Variants in OGN observed in about 807,000 individuals in gnomAD.
OGN encodes mimecan.
OGN carries 19 observed loss-of-function variants against 30.8 expected under a neutral mutation model. The ratio of observed to expected loss-of-function variants is 0.62; its 90% CI spans 0.43 to 0.90. The LOEUF (loss-of-function observed/expected upper bound fraction) is 0.90, where lower values mean the gene tolerates loss of function less well. OGN is among the 40% of genes least tolerant of loss of function. The pLI, the probability that OGN is intolerant of heterozygous loss-of-function variation, is 0.00. For missense variants in OGN, 283 were observed against 349.7 expected (o/e 0.81, Z 1.52); for synonymous variants, 126 against 128.3 (o/e 0.98, Z 0.12).
intron 3 of OGN, among the ~76,000 whole-genome samples, chr9:92,394,351 T>C (rs1229245699): frequency 6.6e-6 from 1 of 151,968 alleles, no homozygotes; most frequent in African/African-American, 2.4e-5. Context: ...CAAGCGATTC[T>C]TCTGCCTCAG....
At chr9:92,397,098 GC>G (rs1842922035) in intron 3 of OGN, among the ~76,000 whole-genome samples, 1 of 151,812 alleles carries the variant, frequency 6.6e-6, no homozygotes, top group African/African-American at 2.4e-5. Context: ...GATTGCTGGA[GC>G]CCAGGAGGTC....
rs1843199404 is a variant in OGN, at chr9:92,403,383, G to A, written c.25C>T (p.Leu9Phe). The stretch of plus-strand genomic sequence containing the variant: ...ATCAGAGGCACAAGCAGTAACAGGA[G>A]AAGTGTAGACTGCAGAGTCTTCATT... MKTLQSTL[L>F]LLLLVPLIKP... Residue 9 changes from leucine (L) to phenylalanine (F), a missense_variant, in exon 2 of 7, where the codon CTC (leucine) becomes TTC (phenylalanine). By Grantham distance (22) the Leu-to-Phe change is conservative. Coordinates refer to ENST00000375561, the MANE Select transcript of OGN (RefSeq NM_014057.5). 6.2e-7 allele frequency: 1 copy of A among 1,612,884 alleles called. No homozygotes were observed. Among genetic ancestry groups the A allele is most frequent in the South Asian group, 1.1e-5 (1 of 90,880 alleles).
chr9:92,393,234 C>A lies in OGN; in HGVS notation c.279G>T (p.Thr93=). Residue 93 remains threonine, a synonymous_variant, in exon 4 of 7, where the codon ACG becomes ACT. Transcript: ENST00000375561. ...CACTTAAACAAACACACAGCAGACA[C>A]GTGGGCATTTCTAAATTGGGAATAA... The part of the protein sequence containing the change: ...PPKKENDEMP[T]CLLCVCLSGS... 1 of 1,566,110 alleles carries A rather than the reference C, an allele frequency of 6.4e-7. No individual in the cohort carries two copies.
chr9:92,391,063 G>A (rs971876217), intron 4 of OGN, among the ~76,000 whole-genome samples: 2 of 151,820 alleles, frequency 1.3e-5, no homozygotes, highest in South Asian at 2.1e-4. Context: ...TCAGGAGTTC[G>A]AGACCAGCCT....
chr9:92,401,412 T>A (rs1843106189), intron 2 of OGN, among the ~76,000 whole-genome samples: 1 of 152,206 alleles, frequency 6.6e-6, no homozygotes, highest in South Asian at 2.1e-4. Flanking sequence ...GAACTGGGTG[T>A]TTTTATTTTT....
chr9:92,385,463 T>C lies in OGN; in HGVS notation c.*157A>G, dbSNP rs1006804252. On this transcript the variant is annotated 3_prime_UTR_variant, in exon 7 of 7. Transcript: ENST00000375561. The stretch of plus-strand genomic sequence containing the variant: ...ACATTCAGTCTTACTTTTTACTTAT[T>C]ATATGTAAGATTTTGAACATCCTTG... 1.6e-6 allele frequency: 1 copy of C among 612,158 alleles called. No homozygotes were observed. The highest frequency in any genetic ancestry group is 1.9e-5 in the African/African-American group (1 of 53,442). 37.9% of individuals were successfully genotyped at this position (612,158 alleles called of 1,614,324 possible).
chr9:92,403,616 T>A, intron 1 of OGN, 134 bp from the exon 2 acceptor site: 2 of 1,211,268 alleles, frequency 1.7e-6, no homozygotes, highest in Non-Finnish European at 1.0e-6. Context: ...GCAGTTTTTA[T>A]GTATCAGTGA....
chr9:92,387,053 G>GA (rs903436031), intron 5 of OGN, among the ~76,000 whole-genome samples: 4,559 of 50,212 alleles, frequency 0.091, 114 homozygotes, highest in Middle Eastern at 0.14. Context: ...GTCTCAAAAA[G>GA]AAAAAAAAAA....
chr9:92,404,441 G>A, intron 1 of OGN, 55 bp downstream of exon 1: 1 of 1,115,320 alleles, frequency 9.0e-7, no homozygotes, highest in Non-Finnish European at 1.2e-6. Context: ...TATTAGATGA[G>A]TCAGTCGCAC....
chr9:92,398,460 A>C (rs1042421866), intron 3 of OGN, among the ~76,000 whole-genome samples: 2 of 152,126 alleles, frequency 1.3e-5, no homozygotes, highest in African/African-American at 4.8e-5. Flanking sequence ...TTTTCACAGA[A>C]ACAAGCAGAT....
chr9:92,386,230 G>C lies in OGN; in HGVS notation c.697C>G (p.Pro233Ala). 1.2e-6 allele frequency: 2 copies of C among 1,612,932 alleles called. No individual in the cohort carries two copies. The highest frequency in any genetic ancestry group is 1.7e-6 in the Non-Finnish European group (2 of 1,179,002). Residue 233 changes from proline to alanine, a missense_variant, in exon 6 of 7, where the codon CCA becomes GCA. Transcript: ENST00000375561. The part of the protein sequence containing the change: ...NALESVPLNL[P>A]ESLRVIHLQF... The stretch of plus-strand genomic sequence containing the variant: ...AGATGAATTACACGTAGACTTTCTG[G>C]TAAATTAAGAGGCACGGATTCCAGG...
intron 3 of OGN, among the ~76,000 whole-genome samples, chr9:92,398,011 T>G (rs576862778): frequency 6.6e-6 from 1 of 152,344 alleles, no homozygotes; most frequent in South Asian, 2.1e-4. Context: ...ATTTGTAATG[T>G]TTCTCTGACA....
At chr9:92,402,419 A>G (rs550215178) in intron 2 of OGN, among the ~76,000 whole-genome samples, 3 of 152,328 alleles carry the variant, frequency 2.0e-5, no homozygotes, top group African/African-American at 7.2e-5. Context: ...CTTCTGAAAC[A>G]ATCAGTATTG....
intron 5 of OGN, 77 bp from the exon 6 acceptor site, chr9:92,386,373 ATATGAG>A: frequency 1.2e-6 from 1 of 835,456 alleles, no homozygotes. Flanking sequence ...ATATATGTGC[ATATGAG>A]TATATGTCTA....
intron 3 of OGN, among the ~76,000 whole-genome samples, 172 bp downstream of exon 3, chr9:92,400,920 T>C (rs978862755): frequency 6.6e-6 from 1 of 152,220 alleles, no homozygotes; most frequent in Non-Finnish European, 1.5e-5. Context: ...TTCTCACTCA[T>C]AATGTGGGAT....
intron 3 of OGN, among the ~76,000 whole-genome samples, chr9:92,400,385 G>A (rs1207355132): frequency 2.6e-5 from 4 of 151,984 alleles, no homozygotes; most frequent in Admixed American, 1.3e-4. Context: ...TCCTGACCTC[G>A]TGATCCACCC....
At chr9:92,387,039 C>T (rs1842453851) in intron 5 of OGN, among the ~76,000 whole-genome samples, 1 of 128,346 alleles carries the variant, frequency 7.8e-6, no homozygotes, top group African/African-American at 3.0e-5. Flanking sequence ...CAGAGCGAGA[C>T]TCTGTCTCAA....
In OGN at chr9:92,383,670, G is replaced by A. The variant is rs1842322509; in HGVS notation, c.*1950C>T. 6.6e-6 allele frequency among the ~76,000 whole-genome samples: 1 copy of A among 151,328 alleles called. No individual in the cohort carries two copies. Among genetic ancestry groups the A allele is most frequent in the African/African-American group, 2.4e-5 (1 of 41,204 alleles). On this transcript the variant is annotated 3_prime_UTR_variant, in exon 7 of 7. Transcript: ENST00000375561. Reference sequence around the variant, plus strand: ...TGTGATTTAAGGTTGTGTATATGAAGGTGTAAGGTATGCATGTTCATATAT... The same window carrying A: ...TGTGATTTAAGGTTGTGTATATGAAAGTGTAAGGTATGCATGTTCATATAT...
At chr9:92,393,860 A>C (rs1842785499) in intron 3 of OGN, among the ~76,000 whole-genome samples, 1 of 151,538 alleles carries the variant, frequency 6.6e-6, no homozygotes. Context: ...GAGGTTTCTC[A>C]TTTTTGGCAG....
Sources: allele counts gnomAD v4.1 joint callset (sites outside exome capture counted in the v4.1 genomes callset), GRCh38; gene constraint gnomAD v4.1.1; transcripts MANE v1.5; gene names NCBI Gene and HGNC (gene_info 2026-07-23, HGNC 2026-07-21).